Variants in MDFIC2 observed in about 807,000 individuals in gnomAD.
MDFIC2 encodes myoD family inhibitor domain-containing protein 2.
chr3:70,304,426 C>T (rs921501523), intron 2 of MDFIC2, among the ~76,000 whole-genome samples: 52 of 152,160 alleles, frequency 3.4e-4, no homozygotes, highest in African/African-American at 1.2e-3. Context: ...CATGGGGATA[C>T]CTCAGAGGCA....
chr3:70,292,946 C>T lies in MDFIC2; in HGVS notation c.88+18940G>A, dbSNP rs183449084. On this transcript the variant is annotated intron_variant, in intron 2 of 3. Coordinates refer to ENST00000567252, the MANE Select transcript of MDFIC2 (RefSeq NM_001364677.1). Reference sequence around the variant, plus strand: ...TTATCTAACAAGAAAAACATACATACAATTAATTACTAACAATTTAAATGT... The same window carrying T: ...TTATCTAACAAGAAAAACATACATATAATTAATTACTAACAATTTAAATGT... 2.0e-3 allele frequency among the ~76,000 whole-genome samples: 281 copies of T among 141,596 alleles called. 1 individual carries two copies. The highest frequency in any genetic ancestry group is 6.9e-3 in the African/African-American group (265 of 38,506). 92.9% of individuals were successfully genotyped at this position (141,596 alleles called of 152,430 possible).
intron 2 of MDFIC2, among the ~76,000 whole-genome samples, chr3:70,268,597 C>A (rs184128542): frequency 1.3e-5 from 2 of 152,022 alleles, no homozygotes; most frequent in African/African-American, 4.8e-5. Flanking sequence ...TGGTGATGTA[C>A]CTTCTATGGG....
At chr3:70,223,054 C>A (rs1318232281) in intron 2 of MDFIC2, among the ~76,000 whole-genome samples, 2 of 152,078 alleles carry the variant, frequency 1.3e-5, no homozygotes, top group Non-Finnish European at 2.9e-5. Flanking sequence ...ATTTCAGATA[C>A]ATTATATTAA....
At chr3:70,205,847 G>C (rs1483790398) in intron 3 of MDFIC2, 1 of 151,966 alleles carries the variant, frequency 6.6e-6, no homozygotes, top group Non-Finnish European at 1.5e-5. Context: ...TGTAGATACT[G>C]AACACTACAA....
intron 2 of MDFIC2, among the ~76,000 whole-genome samples, chr3:70,296,029 C>T (rs1056684002): frequency 2.6e-5 from 4 of 152,196 alleles, no homozygotes; most frequent in Non-Finnish European, 5.9e-5. Flanking sequence ...CATGCATTAA[C>T]TTGTGAAAGA....
chr3:70,273,519 A>G (rs905385005), intron 2 of MDFIC2, among the ~76,000 whole-genome samples: 1 of 152,204 alleles, frequency 6.6e-6, no homozygotes. Flanking sequence ...TAATACAGTT[A>G]TATCACCTAA....
chr3:70,296,600 A>G (rs933300972), intron 2 of MDFIC2, among the ~76,000 whole-genome samples: 1 of 152,132 alleles, frequency 6.6e-6, no homozygotes, highest in Non-Finnish European at 1.5e-5. Context: ...AGGCATGATC[A>G]TTTACCCAGT....
intron 2 of MDFIC2, among the ~76,000 whole-genome samples, chr3:70,273,484 C>T (rs75653109): frequency 0.042 from 6,465 of 152,178 alleles, 444 homozygotes; most frequent in African/African-American, 0.14. Context: ...CCAGAAAAAT[C>T]TTCCCTAAAA....
chr3:70,292,068 A>G (rs7628611), intron 2 of MDFIC2: 31,685 of 152,090 alleles, frequency 0.21, 3,502 homozygotes, highest in South Asian at 0.28. Flanking sequence ...ATTGTATAAA[A>G]CTATTCCTTT....
intron 2 of MDFIC2, chr3:70,291,388 G>A (rs1053932948): frequency 1.3e-5 from 2 of 151,936 alleles, no homozygotes; most frequent in East Asian, 1.9e-4. Context: ...TTATCATTAC[G>A]ATATAACAAA....
At chr3:70,282,203 CTGGCAGTATT>C (rs1402750320) in intron 2 of MDFIC2, among the ~76,000 whole-genome samples, 1 of 152,110 alleles carries the variant, frequency 6.6e-6, no homozygotes, top group Non-Finnish European at 1.5e-5. Context: ...CCCTTCTTTC[CTGGCAGTATT>C]TGCTGTCTCA....
In MDFIC2 at chr3:70,271,007, C is replaced by T. The variant is rs113018889; in HGVS notation, c.88+40879G>A. On this transcript the variant is annotated intron_variant, in intron 2 of 3. Transcript: ENST00000567252. ...ATATAACAAACCTGCACATTCTGCACATGTATCCCAGAACTTCAAGTATAA... is the reference window on the plus strand; with the variant it reads ...ATATAACAAACCTGCACATTCTGCATATGTATCCCAGAACTTCAAGTATAA... Among the ~76,000 whole-genome samples the T allele has an allele frequency of 6.3e-3, 960 of 151,926 alleles. 10 individuals carry two copies. Among genetic ancestry groups the T allele is most frequent in the African/African-American group, 0.022 (915 of 41,428 alleles).
intron 2 of MDFIC2, among the ~76,000 whole-genome samples, chr3:70,269,599 GT>G (rs1183181674): frequency 1.3e-5 from 2 of 152,092 alleles, no homozygotes; most frequent in Non-Finnish European, 2.9e-5. Context: ...GGGCTGCCCA[GT>G]TCTTGACTTT....
chr3:70,269,370 T>TTG (rs1701953254), intron 2 of MDFIC2, among the ~76,000 whole-genome samples: 6 of 152,178 alleles, frequency 3.9e-5, no homozygotes, highest in Non-Finnish European at 8.8e-5. Context: ...TCTGGATACA[T>TTG]AGACACCCTG....
chr3:70,285,576 A>G (rs1702152863), intron 2 of MDFIC2, among the ~76,000 whole-genome samples: 1 of 151,898 alleles, frequency 6.6e-6, no homozygotes, highest in Non-Finnish European at 1.5e-5. Context: ...TATACCCAGT[A>G]ATGGGATGGC....
intron 2 of MDFIC2, among the ~76,000 whole-genome samples, chr3:70,277,901 T>C (rs941691455): frequency 2.0e-5 from 3 of 152,154 alleles, no homozygotes; most frequent in African/African-American, 4.8e-5. Flanking sequence ...AGGAAGATGA[T>C]TGAGACCCTA....
intron 2 of MDFIC2, among the ~76,000 whole-genome samples, chr3:70,262,370 G>C (rs1025358178): frequency 6.6e-6 from 1 of 152,098 alleles, no homozygotes; most frequent in Non-Finnish European, 1.5e-5. Flanking sequence ...GTTTTAATGA[G>C]AAAAATATAA....
chr3:70,242,498 T>G (rs1336461647), intron 2 of MDFIC2, among the ~76,000 whole-genome samples: 1 of 152,176 alleles, frequency 6.6e-6, no homozygotes, highest in Non-Finnish European at 1.5e-5. Context: ...CATGATAGCT[T>G]CTAAGTTGTT....
chr3:70,241,027 C>T (rs892245824), intron 2 of MDFIC2, among the ~76,000 whole-genome samples: 1 of 152,138 alleles, frequency 6.6e-6, no homozygotes, highest in Admixed American at 6.5e-5. Context: ...CCCATTTTTA[C>T]ACCTTGTAAC....
Sources: gnomAD v4.1 joint callset for allele counts (sites outside exome capture counted in the v4.1 genomes callset) on GRCh38, gnomAD v4.1.1 for gene constraint, MANE v1.5 for transcripts, NCBI Gene and HGNC (gene_info 2026-07-23, HGNC 2026-07-21) for gene names.